SGMS2: variants seen among roughly 807,000 people sequenced by gnomAD.
SGMS2 encodes phosphatidylcholine:ceramide cholinephosphotransferase 2.
Under a neutral mutation model 43.8 loss-of-function variants are expected in SGMS2, and 21 were observed. The ratio of observed to expected loss-of-function variants is 0.48; its 90% CI spans 0.34 to 0.69. The LOEUF is 0.69. SGMS2 is among the 30% of genes least tolerant of loss of function. SGMS2 has a pLI of 0.01. For synonymous variants in SGMS2, 167 were observed against 160.6 expected (o/e 1.04, Z -0.30); for missense variants, 384 against 443.2 (o/e 0.87, Z 1.20).
At chr4:107,907,769 A>G (rs1003511699) in intron 5 of SGMS2, among the ~76,000 whole-genome samples, 4 of 152,214 alleles carry the variant, frequency 2.6e-5, no homozygotes, top group African/African-American at 9.6e-5. Flanking sequence ...GAGCTAATAC[A>G]GCTTTAAAAT....
chr4:107,846,341 C>T (rs1028136062), intron 1 of SGMS2, among the ~76,000 whole-genome samples: 18 of 143,012 alleles, frequency 1.3e-4, no homozygotes, highest in Non-Finnish European at 2.1e-4. Flanking sequence ...CAATTCCCAT[C>T]TATGAGTGAG....
At chr4:107,882,146 A>G (rs1377635805) in intron 2 of SGMS2, among the ~76,000 whole-genome samples, 10 of 152,180 alleles carry the variant, frequency 6.6e-5, no homozygotes, top group Non-Finnish European at 4.4e-5. Context: ...TAGCTGGATC[A>G]TATGGTAGTT....
At chr4:107,877,178 T>G (rs1728971145) in intron 2 of SGMS2, among the ~76,000 whole-genome samples, 1 of 152,058 alleles carries the variant, frequency 6.6e-6, no homozygotes, top group Non-Finnish European at 1.5e-5. Context: ...CATGGTGGTG[T>G]TCACCTGCAG....
At chr4:107,839,498 A>G (rs1427856350) in intron 1 of SGMS2, among the ~76,000 whole-genome samples, 2 of 151,984 alleles carry the variant, frequency 1.3e-5, no homozygotes, top group African/African-American at 2.4e-5. Context: ...CTAATGGAGG[A>G]TTATTCCTTT....
chr4:107,908,413 C>A, intron 5 of SGMS2, 152 bp from the exon 6 acceptor site: 1 of 731,698 alleles, frequency 1.4e-6, no homozygotes, highest in Non-Finnish European at 2.2e-6. Flanking sequence ...AGATCCTGGG[C>A]AGTTCATAGT....
intron 1 of SGMS2, among the ~76,000 whole-genome samples, chr4:107,856,948 C>T (rs1162036003): frequency 6.6e-6 from 1 of 152,096 alleles, no homozygotes; most frequent in Non-Finnish European, 1.5e-5. Flanking sequence ...GTTGTGCCAC[C>T]AACCCCACTA....
chr4:107,882,194 C>G (rs968502146), intron 2 of SGMS2, among the ~76,000 whole-genome samples: 2 of 152,162 alleles, frequency 1.3e-5, no homozygotes, highest in Non-Finnish European at 1.5e-5. Flanking sequence ...ATACTGTTCT[C>G]CATAGTGGCT....
intron 1 of SGMS2, among the ~76,000 whole-genome samples, chr4:107,826,940 C>T (rs1725627501): frequency 6.6e-6 from 1 of 152,212 alleles, no homozygotes; most frequent in South Asian, 2.1e-4. Context: ...GTAGTGAGAT[C>T]ATGGACATGG....
chr4:107,838,070 A>G (rs1359400952), intron 1 of SGMS2, among the ~76,000 whole-genome samples: 2 of 152,104 alleles, frequency 1.3e-5, no homozygotes, highest in African/African-American at 4.8e-5. Context: ...GGAAGTCTAG[A>G]ATCACCAGGG....
At chr4:107,902,873 T>C (rs770140916) in intron 4 of SGMS2, among the ~76,000 whole-genome samples, 3 of 152,172 alleles carry the variant, frequency 2.0e-5, no homozygotes, top group Non-Finnish European at 4.4e-5. Flanking sequence ...GAATCAAATA[T>C]TAACCATTCA....
intron 5 of SGMS2, chr4:107,907,255 G>T (rs769776277): frequency 6.6e-6 from 1 of 152,232 alleles, no homozygotes; most frequent in Non-Finnish European, 1.5e-5. Flanking sequence ...GACCAACAGA[G>T]CAACGGCTAG....
chr4:107,904,975 AGGTGGGGGAAGAGGTGCATTTCAGAG>A (rs1465266978), intron 5 of SGMS2, among the ~76,000 whole-genome samples: 2 of 152,130 alleles, frequency 1.3e-5, no homozygotes, highest in African/African-American at 2.4e-5. Context: ...ATGAGGGTGG[AGGTGGGGGAAGAGGTGCATTTCAGAG>A]TGAAGGCACT....
rs910748451 is a variant in SGMS2, at chr4:107,851,676, G to A, written c.-326-6796G>A. On this transcript the variant is annotated intron_variant, in intron 1 of 6. Coordinates refer to ENST00000690982, the MANE Select transcript of SGMS2 (RefSeq NM_001375905.1). Reference sequence around the variant, plus strand: ...TATCCTCTCTCCCTAAGCAAGAAGGGCAGCTTCTCTATAATAACCCCCTCC... The same window carrying A: ...TATCCTCTCTCCCTAAGCAAGAAGGACAGCTTCTCTATAATAACCCCCTCC... Among the ~76,000 whole-genome samples the A allele has an allele frequency of 1.1e-4, 17 of 152,106 alleles. No homozygotes were observed. In the East Asian group the frequency reaches 2.9e-3, roughly 26 times the overall value.
chr4:107,831,608 G>A (rs1448516339), intron 1 of SGMS2, among the ~76,000 whole-genome samples: 1 of 152,176 alleles, frequency 6.6e-6, no homozygotes, highest in East Asian at 1.9e-4. Flanking sequence ...AAAACAAAGA[G>A]TTCAGTCCCG....
Position 107,902,783 on chromosome 4 carries a change from A to G in SGMS2, c.574-450A>G, listed in dbSNP as rs573372747. On this transcript the variant is annotated intron_variant, in intron 4 of 6. Transcript: ENST00000690982. ...TTTGATCAGACATTAATGCAGCTAT[A>G]TATCTGTCCACTTTAGGCTGCCCAC... Among the ~76,000 whole-genome samples, 22 of 152,290 alleles carry G rather than the reference A, an allele frequency of 1.4e-4. 1 individual carries two copies. The highest frequency in any genetic ancestry group is 1.3e-3 in the Admixed American group (20 of 15,274).
chr4:107,896,777 A>G (rs1440843193), intron 3 of SGMS2, among the ~76,000 whole-genome samples: 1 of 152,132 alleles, frequency 6.6e-6, no homozygotes, highest in Non-Finnish European at 1.5e-5. Flanking sequence ...CATAGCCCTG[A>G]AGTGGTTATT....
intron 6 of SGMS2, among the ~76,000 whole-genome samples, chr4:107,909,099 A>T (rs1321090776): frequency 1.4e-5 from 2 of 146,422 alleles, no homozygotes; most frequent in East Asian, 3.9e-4. Flanking sequence ...GGTAACAGCT[A>T]TTTTTTTTAA....
intron 1 of SGMS2, among the ~76,000 whole-genome samples, chr4:107,826,642 C>T (rs188990262): frequency 1.3e-5 from 2 of 150,206 alleles, no homozygotes; most frequent in East Asian, 3.9e-4. Context: ...TCACAATAGT[C>T]TGGTTGAAGT....
chr4:107,876,336 T>G (rs1171825860), intron 2 of SGMS2, among the ~76,000 whole-genome samples: 1 of 152,158 alleles, frequency 6.6e-6, no homozygotes, highest in Non-Finnish European at 1.5e-5. Context: ...AACCACCAAA[T>G]GTTCTAGCCA....
Sources: gnomAD v4.1 joint callset for allele counts (sites outside exome capture counted in the v4.1 genomes callset) on GRCh38, gnomAD v4.1.1 for gene constraint, MANE v1.5 for transcripts, NCBI Gene and HGNC (gene_info 2026-07-23, HGNC 2026-07-21) for gene names.